Variants in VPS37A observed in about 807,000 individuals in gnomAD.
The protein encoded by VPS37A is VPS37A subunit of ESCRT-I.
In VPS37A, 30 loss-of-function variants were observed where a neutral mutation model predicts 49.8. That is an observed-to-expected ratio of 0.60 (90% CI 0.45 to 0.82). VPS37A has a LOEUF of 0.82. VPS37A is among the 40% of genes least tolerant of loss of function. The pLI is 0.00. For missense variants in VPS37A, 593 were observed against 464.4 expected (o/e 1.28, Z -2.55); for synonymous variants, 195 against 160.6 (o/e 1.21, Z -1.62).
At chr8:17,256,810 A>G (rs10098016) in intron 1 of VPS37A, among the ~76,000 whole-genome samples, 76,914 of 151,612 alleles carry the variant, frequency 0.51, 23,169 homozygotes, top group African/African-American at 0.81. Flanking sequence ...TCACCACCAC[A>G]CCCGGCTAAT....
At chr8:17,270,999 T>TATAG (rs1813932833) in intron 4 of VPS37A, among the ~76,000 whole-genome samples, 1 of 152,132 alleles carries the variant, frequency 6.6e-6, no homozygotes, top group African/African-American at 2.4e-5. Context: ...GGGTAACCAC[T>TATAG]ATAGATTCCA....
the VPS37A span, chr8:17,331,059 A>G: frequency 6.1e-6 from 9 of 1,466,932 alleles, no homozygotes; most frequent in East Asian, 2.1e-4. Flanking sequence ...ACACCTATGT[A>G]AAAACATTTT....
the VPS37A span, among the ~76,000 whole-genome samples, chr8:17,311,182 G>A: frequency 1.3e-5 from 2 of 152,052 alleles, no homozygotes; most frequent in African/African-American, 2.4e-5. Flanking sequence ...ACATATTCAT[G>A]TTACCTCAAA....
chr8:17,282,482 C>T (rs377171379), intron 9 of VPS37A, among the ~76,000 whole-genome samples: 5 of 151,586 alleles, frequency 3.3e-5, no homozygotes, highest in African/African-American at 9.7e-5. Flanking sequence ...AGGAAAAACT[C>T]GACATATTTA....
At chr8:17,303,617 T>A (rs1360294405), downstream of VPS37A, among the ~76,000 whole-genome samples, 1 of 152,024 alleles carries the variant, frequency 6.6e-6, no homozygotes, top group East Asian at 1.9e-4. Flanking sequence ...AATCTTTTTT[T>A]TTTTTTTTTG....
the VPS37A span, among the ~76,000 whole-genome samples, chr8:17,316,800 T>C: frequency 6.6e-6 from 1 of 152,170 alleles, no homozygotes; most frequent in Non-Finnish European, 1.5e-5. Flanking sequence ...ATAGGCTATA[T>C]GCAAATACAC....
chr8:17,291,555 A>C (rs1428086752), intron 11 of VPS37A, among the ~76,000 whole-genome samples: 1 of 142,820 alleles, frequency 7.0e-6, no homozygotes, highest in Non-Finnish European at 1.5e-5. Flanking sequence ...TAATTCTTTT[A>C]ATTGTGATGT....
At chr8:17,262,711 T>G (rs1289045568) in intron 1 of VPS37A, among the ~76,000 whole-genome samples, 1 of 151,996 alleles carries the variant, frequency 6.6e-6, no homozygotes, top group Non-Finnish European at 1.5e-5. Context: ...TATCTAATAG[T>G]AGAAAATAGC....
At chr8:17,308,408 T>C in the VPS37A span, among the ~76,000 whole-genome samples, 1 of 152,184 alleles carries the variant, frequency 6.6e-6, no homozygotes, top group African/African-American at 2.4e-5. Context: ...TATGCTTTCC[T>C]GGAAAAAATT....
In VPS37A at chr8:17,295,478, T is replaced by C. The variant is rs533301440; in HGVS notation, c.*492T>C. ...CAAAAGCAATTTAAGATATTCATAGTGTTAGGAAACACCAAACCTGCCTAT... is the reference window on the plus strand; with the variant it reads ...CAAAAGCAATTTAAGATATTCATAGCGTTAGGAAACACCAAACCTGCCTAT... On this transcript the variant is annotated 3_prime_UTR_variant, in exon 12 of 12. Coordinates refer to ENST00000324849, the MANE Select transcript of VPS37A (RefSeq NM_152415.3). The C allele has an allele frequency of 6.5e-6, 1 of 152,750 alleles. No homozygotes were observed. Among genetic ancestry groups the C allele is most frequent in the Non-Finnish European group, 1.5e-5 (1 of 68,014 alleles). 9.5% of individuals were successfully genotyped at this position (152,750 alleles called of 1,614,324 possible).
At chr8:17,284,112 A>G (rs924309714) in intron 9 of VPS37A, among the ~76,000 whole-genome samples, 4 of 152,320 alleles carry the variant, frequency 2.6e-5, no homozygotes, top group Admixed American at 1.3e-4. Flanking sequence ...CCCACACTCA[A>G]TGGTGGGATT....
chr8:17,326,026 T>C, the VPS37A span, among the ~76,000 whole-genome samples: 1 of 152,212 alleles, frequency 6.6e-6, no homozygotes, highest in South Asian at 2.1e-4. Flanking sequence ...GGGGAAGATA[T>C]GTTGCTTACA....
the VPS37A span, among the ~76,000 whole-genome samples, chr8:17,309,567 G>A: frequency 6.6e-6 from 1 of 152,252 alleles, no homozygotes; most frequent in Admixed American, 6.5e-5. Flanking sequence ...AACCCCACCC[G>A]CTGAATGCTT....
the VPS37A span, among the ~76,000 whole-genome samples, chr8:17,327,481 G>C: frequency 2.0e-5 from 3 of 152,100 alleles, no homozygotes; most frequent in South Asian, 2.1e-4. Context: ...GGGTCTCACT[G>C]TGTTGCCCAG....
chr8:17,270,448 G>A (rs1813868284), intron 4 of VPS37A, among the ~76,000 whole-genome samples: 1 of 152,158 alleles, frequency 6.6e-6, no homozygotes, highest in Admixed American at 6.5e-5. Context: ...ATCTCCATGT[G>A]ACCTGCGCTT....
At chr8:17,258,698 G>A (rs560444906) in intron 1 of VPS37A, among the ~76,000 whole-genome samples, 6 of 152,116 alleles carry the variant, frequency 3.9e-5, no homozygotes, top group African/African-American at 4.8e-5. Flanking sequence ...ATTGTTATTA[G>A]TTCTTTAAGT....
chr8:17,278,170 G>A (rs1446998137), intron 6 of VPS37A, among the ~76,000 whole-genome samples: 2 of 152,020 alleles, frequency 1.3e-5, no homozygotes, highest in Admixed American at 1.3e-4. Context: ...CAATACTTAT[G>A]TCATAATTAC....
Position 17,281,461 on chromosome 8 carries a change from T to G in VPS37A, c.969+1018T>G, listed in dbSNP as rs904951277. ...GAAGCTTTCATAGTACTCAACATCA[T>G]TCTTTATACAAACTCTTAGTAAACT... On this transcript the variant is annotated intron_variant, in intron 9 of 11. Transcript: ENST00000324849. Among the ~76,000 whole-genome samples, 24 of 152,152 alleles carry G rather than the reference T, an allele frequency of 1.6e-4. No homozygotes were observed. The South Asian group carries it at 5.0e-3, about 32-fold the overall frequency.
At chr8:17,292,042 T>A (rs1816206475) in intron 11 of VPS37A, among the ~76,000 whole-genome samples, 1 of 152,196 alleles carries the variant, frequency 6.6e-6, no homozygotes, top group African/African-American at 2.4e-5. Flanking sequence ...ATTTTCTGTC[T>A]CGTTGATCTA....
Sources: gnomAD v4.1 joint callset for allele counts (sites outside exome capture counted in the v4.1 genomes callset) on GRCh38, gnomAD v4.1.1 for gene constraint, MANE v1.5 for transcripts, NCBI Gene and HGNC (gene_info 2026-07-23, HGNC 2026-07-21) for gene names.